Variants in APBA1 observed in about 807,000 individuals in gnomAD.
The protein encoded by APBA1 is amyloid beta precursor protein binding family A member 1, also known as amyloid-beta A4 precursor protein-binding family A member 1.
Under a neutral mutation model 86.6 loss-of-function variants are expected in APBA1, and 55 were observed. The observed-to-expected ratio is 0.64, with a 90% CI of 0.51 to 0.80. The LOEUF (loss-of-function observed/expected upper bound fraction) is 0.80, where lower values mean the gene tolerates loss of function less well. APBA1 is among the 30% of genes least tolerant of loss of function. APBA1 has a pLI of 0.00. For synonymous variants in APBA1, 511 were observed against 493.9 expected (o/e 1.03, Z -0.46); for missense variants, 1,090 against 1,183.0 (o/e 0.92, Z 1.15).
chr9:69,631,788 C>A (rs1242600293), intron 1 of APBA1, among the ~76,000 whole-genome samples: 2 of 152,166 alleles, frequency 1.3e-5, no homozygotes, highest in African/African-American at 4.8e-5. Context: ...CCATCATTCT[C>A]AGCAAACTAT....
chr9:69,512,480 A>G (rs573180721), intron 2 of APBA1, among the ~76,000 whole-genome samples: 1 of 152,306 alleles, frequency 6.6e-6, no homozygotes, highest in South Asian at 2.1e-4. Flanking sequence ...TATTTGCTTC[A>G]TTATAGTTTG....
intron 1 of APBA1, among the ~76,000 whole-genome samples, chr9:69,601,247 T>C (rs1822345133): frequency 6.6e-6 from 1 of 152,254 alleles, no homozygotes; most frequent in Middle Eastern, 3.2e-3. Flanking sequence ...GTCAGTTTTT[T>C]ATTTCTCTCA....
At chr9:69,632,744 G>A (rs1823073445) in intron 1 of APBA1, among the ~76,000 whole-genome samples, 1 of 152,132 alleles carries the variant, frequency 6.6e-6, no homozygotes, top group Non-Finnish European at 1.5e-5. Flanking sequence ...TCATTTTGCT[G>A]TATAGAACAA....
chr9:69,483,885 C>A lies in APBA1; in HGVS notation c.1201-7742G>T, dbSNP rs375457293. 1.4e-3 allele frequency among the ~76,000 whole-genome samples: 219 copies of A among 152,240 alleles called. 1 individual carries two copies. The highest frequency in any genetic ancestry group is 5.1e-3 in the African/African-American group (211 of 41,556). ...ACATGCCTTCAAGAAGAAACACACA[C>A]AACTTTTATTTGGCACCAAAGAGAG... On this transcript the variant is annotated intron_variant, in intron 2 of 12. Coordinates refer to ENST00000265381, the MANE Select transcript of APBA1 (RefSeq NM_001163.4).
chr9:69,661,895 T>C (rs1316281496), intron 1 of APBA1, among the ~76,000 whole-genome samples: 1 of 152,036 alleles, frequency 6.6e-6, no homozygotes, highest in Non-Finnish European at 1.5e-5. Flanking sequence ...CCTTACCAGA[T>C]GCAGCTGCCT....
intron 2 of APBA1, among the ~76,000 whole-genome samples, chr9:69,498,496 C>A (rs1835834020): frequency 1.3e-5 from 2 of 152,090 alleles, no homozygotes; most frequent in South Asian, 4.1e-4. Flanking sequence ...AATTAAGACA[C>A]TAAATAAGGA....
chr9:69,644,211 T>C (rs1181925972), intron 1 of APBA1, among the ~76,000 whole-genome samples: 2 of 152,246 alleles, frequency 1.3e-5, no homozygotes, highest in Non-Finnish European at 2.9e-5. Flanking sequence ...TGCTATCTTC[T>C]CTACTGTATC....
chr9:69,447,464 T>C (rs1834929627), intron 10 of APBA1, among the ~76,000 whole-genome samples: 1 of 152,198 alleles, frequency 6.6e-6, no homozygotes, highest in Non-Finnish European at 1.5e-5. Flanking sequence ...GGCTGTCCTG[T>C]GCATTGTAGG....
At chr9:69,556,578 G>A (rs989413801) in intron 1 of APBA1, among the ~76,000 whole-genome samples, 14 of 152,134 alleles carry the variant, frequency 9.2e-5, no homozygotes, top group Non-Finnish European at 1.3e-4. Context: ...AGAAAAACAC[G>A]AGCCTCTGCA....
At chr9:69,607,866 A>G (rs1822508467) in intron 1 of APBA1, among the ~76,000 whole-genome samples, 1 of 152,182 alleles carries the variant, frequency 6.6e-6, no homozygotes, top group South Asian at 2.1e-4. Context: ...TAGTTTCCTT[A>G]TCTATAAAAT....
At chr9:69,434,378 T>C (rs1329422316) in intron 11 of APBA1, among the ~76,000 whole-genome samples, 2 of 151,994 alleles carry the variant, frequency 1.3e-5, no homozygotes, top group Admixed American at 6.5e-5. Flanking sequence ...ACTCATACTC[T>C]TTCTTGATGG....
chr9:69,585,587 G>A (rs1822001626), intron 1 of APBA1, among the ~76,000 whole-genome samples: 2 of 152,172 alleles, frequency 1.3e-5, no homozygotes, highest in Admixed American at 1.3e-4. Context: ...AGGCCACCCA[G>A]GTCCCCACAA....
intron 2 of APBA1, among the ~76,000 whole-genome samples, chr9:69,491,583 C>T (rs1441891079): frequency 6.7e-6 from 1 of 148,604 alleles, no homozygotes; most frequent in Admixed American, 6.8e-5. Context: ...TGCACATGTA[C>T]CCTAGAACTT....
chr9:69,584,162 C>T (rs555977247), intron 1 of APBA1, among the ~76,000 whole-genome samples: 9 of 152,094 alleles, frequency 5.9e-5, no homozygotes, highest in Non-Finnish European at 1.2e-4. Context: ...ATTGATTAAT[C>T]CCAAATAAAA....
intron 1 of APBA1, among the ~76,000 whole-genome samples, chr9:69,628,705 TAA>T (rs768165283): frequency 3.1e-4 from 47 of 152,340 alleles, no homozygotes; most frequent in Non-Finnish European, 5.7e-4. Flanking sequence ...TGACATGTTC[TAA>T]AATCTTATTA....
intron 1 of APBA1, among the ~76,000 whole-genome samples, chr9:69,554,408 T>C (rs1224306568): frequency 6.6e-6 from 1 of 152,184 alleles, no homozygotes; most frequent in Non-Finnish European, 1.5e-5. Flanking sequence ...CTAAGACATC[T>C]TTATACAATT....
intron 2 of APBA1, among the ~76,000 whole-genome samples, chr9:69,505,070 C>T (rs980629773): frequency 6.6e-6 from 1 of 152,020 alleles, no homozygotes; most frequent in African/African-American, 2.4e-5. Context: ...AAACAGAAAC[C>T]TCATCAGTGT....
chr9:69,632,641 C>T (rs1032372619), intron 1 of APBA1, among the ~76,000 whole-genome samples: 3 of 152,172 alleles, frequency 2.0e-5, no homozygotes, highest in African/African-American at 7.2e-5. Context: ...ATAATGACCA[C>T]TACTATTATT....
At chr9:69,523,383 T>A (rs368388417) in intron 1 of APBA1, among the ~76,000 whole-genome samples, 1 of 149,960 alleles carries the variant, frequency 6.7e-6, no homozygotes, top group Non-Finnish European at 1.5e-5. Context: ...TTTGTGTACG[T>A]CAGTGATAGA....
Sources: allele counts gnomAD v4.1 joint callset (sites outside exome capture counted in the v4.1 genomes callset), GRCh38; gene constraint gnomAD v4.1.1; transcripts MANE v1.5; gene names NCBI Gene and HGNC (gene_info 2026-07-23, HGNC 2026-07-21).